ZFHX3: variants seen among roughly 807,000 people sequenced by gnomAD.
ZFHX3 encodes zinc finger homeobox protein 3.
ZFHX3 carries 42 observed loss-of-function variants against 279.1 expected under a neutral mutation model. That is an observed-to-expected ratio of 0.15 (90% CI 0.12 to 0.19). The LOEUF is 0.19. Ranked by LOEUF, ZFHX3 falls within the 10% of genes least tolerant of loss-of-function variation. The pLI is 1.00. For synonymous variants in ZFHX3, 2,293 were observed against 1,957.8 expected (o/e 1.17, Z -4.52); for missense variants, 4,981 against 4,754.0 (o/e 1.05, Z -1.40).
At chr16:73,580,942 C>T (rs953536894) in intron 2 of ZFHX3, among the ~76,000 whole-genome samples, 4 of 151,778 alleles carry the variant, frequency 2.6e-5, no homozygotes, top group African/African-American at 9.7e-5. Context: ...TTGCCACAGG[C>T]TGAACCCAGT....
At chr16:73,583,905 A>G (rs956495097) in intron 2 of ZFHX3, among the ~76,000 whole-genome samples, 1 of 152,228 alleles carries the variant, frequency 6.6e-6, no homozygotes, top group Admixed American at 6.5e-5. Flanking sequence ...TTAACACTAT[A>G]TAAGAAATAA....
chr16:72,828,752 G>T (rs914287733), intron 5 of ZFHX3, among the ~76,000 whole-genome samples: 2 of 152,096 alleles, frequency 1.3e-5, no homozygotes, highest in African/African-American at 4.8e-5. Context: ...ACCCAGGCTG[G>T]AGTGTTATGG....
At chr16:72,905,830 T>C (rs1182947146) in intron 3 of ZFHX3, among the ~76,000 whole-genome samples, 2 of 152,212 alleles carry the variant, frequency 1.3e-5, no homozygotes, top group Non-Finnish European at 2.9e-5. Context: ...GGGGACATCT[T>C]TTCAATACAC....
At chr16:73,291,693 G>C (rs780285514) in intron 4 of ZFHX3, among the ~76,000 whole-genome samples, 4 of 152,184 alleles carry the variant, frequency 2.6e-5, no homozygotes, top group Non-Finnish European at 5.9e-5. Flanking sequence ...GGAATAGGCA[G>C]GTACCTTTAA....
At chr16:73,546,671 TTGCTGC>T (rs57427757) in intron 2 of ZFHX3, among the ~76,000 whole-genome samples, 21,879 of 143,238 alleles carry the variant, frequency 0.15, 1,890 homozygotes, top group East Asian at 0.21. Flanking sequence ...GGTGCTGCTG[TTGCTGC>T]TGCTGCTGCT....
At position 72,820,336 on chromosome 16, in the gene ZFHX3, GC is replaced by G. The variant is rs2036752221; in HGVS notation, c.3530-8299del. On this transcript the variant is annotated intron_variant, in intron 5 of 9. Transcript: ENST00000268489. ...AATTCCTTGCTGAAGTATGCATAAG[GC>G]TGCTTAACCACACTGATTTGAGTTC... Among the ~76,000 whole-genome samples the G allele has an allele frequency of 2.0e-5, 3 of 152,272 alleles. No homozygotes were observed. The South Asian group carries it at 6.2e-4, about 32-fold the overall frequency.
intron 5 of ZFHX3, among the ~76,000 whole-genome samples, chr16:73,182,194 C>T (rs1405695870): frequency 2.0e-5 from 3 of 152,310 alleles, no homozygotes; most frequent in East Asian, 3.9e-4. Context: ...AGGTGGCTCA[C>T]GCCTGTAATC....
At chr16:73,424,955 A>T (rs961781970) in intron 3 of ZFHX3, among the ~76,000 whole-genome samples, 1 of 152,124 alleles carries the variant, frequency 6.6e-6, no homozygotes, top group Admixed American at 6.6e-5. Context: ...TTTCTAAAGC[A>T]GGACATGCCC....
At chr16:73,851,596 A>G (rs1597143848) in intron 1 of ZFHX3, among the ~76,000 whole-genome samples, 1 of 152,236 alleles carries the variant, frequency 6.6e-6, no homozygotes, top group East Asian at 1.9e-4. Context: ...TTTGGTACAT[A>G]TAAAATCTTC....
intron 1 of ZFHX3, among the ~76,000 whole-genome samples, chr16:73,872,354 T>TAG (rs1358543846): frequency 1.3e-5 from 2 of 152,072 alleles, no homozygotes; most frequent in African/African-American, 4.8e-5. Context: ...GCCTCCCCAG[T>TAG]AGCTGGGATT....
chr16:72,887,715 C>T (rs544721919), intron 4 of ZFHX3, among the ~76,000 whole-genome samples: 46 of 147,858 alleles, frequency 3.1e-4, no homozygotes, highest in African/African-American at 2.3e-4. Context: ...GGGAGGTGCA[C>T]GCAGATGGGG....
At chr16:73,522,671 C>T (rs1473383501) in intron 2 of ZFHX3, among the ~76,000 whole-genome samples, 1 of 152,138 alleles carries the variant, frequency 6.6e-6, no homozygotes, top group African/African-American at 2.4e-5. Context: ...AAGACCACCT[C>T]CCTTACTGTC....
At position 72,788,473 on chromosome 16, in the gene ZFHX3, G is replaced by T; in HGVS notation, c.9803C>A (p.Thr3268Asn). Residue 3268 changes from threonine (T) to asparagine (N), a missense_variant, in exon 10 of 10, where the codon ACT (threonine) becomes AAT (asparagine). Physicochemically the swap from Thr to Asn is moderately conservative, Grantham distance 65. Coordinates refer to ENST00000268489, the MANE Select transcript of ZFHX3 (RefSeq NM_006885.4). ...CAGCGGGGCTGAGATCGTGGCTGCA[G>T]TTGCCGTGGGGGCCTCTCCTTTCTC... The part of the protein sequence containing the change: ...KKEKGEAPTA[T>N]AATISAPLPT... 6.2e-7 allele frequency: 1 copy of T among 1,614,230 alleles called. No homozygotes were observed. Among genetic ancestry groups the T allele is most frequent in the Non-Finnish European group, 8.5e-7 (1 of 1,180,036 alleles).
chr16:73,088,636 G>A (rs948855958), intron 8 of ZFHX3, among the ~76,000 whole-genome samples: 4 of 152,182 alleles, frequency 2.6e-5, no homozygotes, highest in African/African-American at 9.7e-5. Context: ...TTGGGGATCA[G>A]GTAGGTACGG....
chr16:72,971,744 TTTG>T, intron 1 of ZFHX3, among the ~76,000 whole-genome samples: 1 of 152,224 alleles, frequency 6.6e-6, no homozygotes, highest in East Asian at 1.9e-4. Context: ...GGGTATTTAC[TTTG>T]TTATTTTTAA....
intron 3 of ZFHX3, among the ~76,000 whole-genome samples, chr16:73,327,591 G>C (rs972975320): frequency 6.6e-6 from 1 of 152,180 alleles, no homozygotes; most frequent in Non-Finnish European, 1.5e-5. Flanking sequence ...GATGCTCCAA[G>C]GATAACCTAA....
intron 4 of ZFHX3, among the ~76,000 whole-genome samples, chr16:73,318,057 G>T (rs1180376756): frequency 6.6e-6 from 1 of 152,170 alleles, no homozygotes; most frequent in Non-Finnish European, 1.5e-5. Context: ...TGCCAAACCA[G>T]AAGTGCACAT....
chr16:73,246,671 C>T (rs974346527), intron 5 of ZFHX3, among the ~76,000 whole-genome samples: 4 of 152,198 alleles, frequency 2.6e-5, no homozygotes, highest in Admixed American at 2.0e-4. Context: ...TCTAAATGCT[C>T]GTATCTTAAA....
chr16:72,794,353 T>C lies in ZFHX3; in HGVS notation c.8329A>G (p.Ser2777Gly), dbSNP rs769818759. ...GTSFSHLPPS[S>G]SDGQGVPLSP... Reference sequence around the variant, plus strand: ...AGGGGGACACCCTGACCATCACTACTGCTTGGGGGTAGGTGGGAAAAGCTA... The same window carrying C: ...AGGGGGACACCCTGACCATCACTACCGCTTGGGGGTAGGTGGGAAAAGCTA... The change falls in exon 9 of 10, where the codon AGT (serine) becomes GGT (glycine). Residue 2777 changes from serine to glycine, a missense_variant. Transcript: ENST00000268489. This position sits in a 1 kb window ranked among gnomAD's most constrained non-coding sequence, Gnocchi z 4.2. 2.5e-6 allele frequency: 4 copies of C among 1,602,750 alleles called. No individual in the cohort carries two copies. Among genetic ancestry groups the C allele is most frequent in the Non-Finnish European group, 3.4e-6 (4 of 1,174,110 alleles).
Sources: allele counts gnomAD v4.1 joint callset (sites outside exome capture counted in the v4.1 genomes callset), GRCh38; gene constraint gnomAD v4.1.1; non-coding constraint Gnocchi (gnomAD v3.1); transcripts MANE v1.5; gene names NCBI Gene and HGNC (gene_info 2026-07-23, HGNC 2026-07-21).